The following GBP1 variants were observed in gnomAD, a reference collection of about 807,000 sequenced individuals.
GBP1 encodes the protein guanylate binding protein 1.
A neutral mutation model predicts 69.5 loss-of-function variants in GBP1; 64 were observed. The ratio of observed to expected loss-of-function variants is 0.92; its 90% CI spans 0.75 to 1.13. The LOEUF is 1.13. Ranked by LOEUF, GBP1 falls within the 50% of genes most tolerant of loss-of-function variation. GBP1 has a pLI of 0.00. For missense variants in GBP1, 630 were observed against 704.1 expected (o/e 0.89, Z 1.19); for synonymous variants, 250 against 261.2 (o/e 0.96, Z 0.41).
At chr1:89,063,993 C>T (rs1235188025) in intron 1 of GBP1, among the ~76,000 whole-genome samples, 1 of 152,070 alleles carries the variant, frequency 6.6e-6, no homozygotes, top group African/African-American at 2.4e-5. Flanking sequence ...ATTGCAAATA[C>T]TGAATGTTTC....
intron 2 of GBP1, among the ~76,000 whole-genome samples, chr1:89,062,129 A>G (rs1171505144): frequency 1.3e-5 from 2 of 152,212 alleles, no homozygotes; most frequent in African/African-American, 4.8e-5. Context: ...GTTAACATGC[A>G]ATGACTGCAT....
At chr1:89,057,844 C>A in intron 6 of GBP1, 148 bp downstream of exon 6, 1 of 948,302 alleles carries the variant, frequency 1.1e-6, no homozygotes, top group East Asian at 2.5e-5. Context: ...ATGTGACTAA[C>A]AATATATGTT....
chr1:89,054,130 C>T (rs767171127), intron 10 of GBP1, among the ~76,000 whole-genome samples: 1 of 150,948 alleles, frequency 6.6e-6, no homozygotes, highest in Non-Finnish European at 1.5e-5. Flanking sequence ...TTTGGAGTCT[C>T]GCTCTGTTGC....
chr1:89,055,772 A>C, intron 8 of GBP1: 1 of 576,416 alleles, frequency 1.7e-6, no homozygotes, highest in East Asian at 3.0e-5. Context: ...TAATGATGAC[A>C]ATAATAACTT....
At position 89,059,015 on chromosome 1, in the gene GBP1, G is replaced by A. The variant is rs192785479; in HGVS notation, c.457C>T (p.Arg153Ter). Residue 153 changes from arginine (R) to a stop codon, truncating the protein, a stop_gained, in exon 5 of 11, where the codon CGA becomes TGA. Transcript: ENST00000370473. LOFTEE classifies it high-confidence loss of function. ...TTCTCATCAGGTGAGGATTTTGATC[G>A]GATTCTATGTGTCAGCTCTGTCACA... ...YYVTELTHRI[R>*]SKSSPDENEN... 1.1e-4 allele frequency: 173 copies of A among 1,614,078 alleles called. No individual in the cohort carries two copies. Among genetic ancestry groups the A allele is most frequent in the East Asian group, 3.6e-4 (16 of 44,876 alleles).
rs78481730 is a variant in GBP1 at position 89,059,662 on chromosome 1, T to C, written c.319-236A>G. ...GTTTTTGGGTTACCATGATTCTTAC[T>C]AGGTCTTCTAATGATCATCAACAGA... On this transcript the variant is annotated intron_variant, in intron 3 of 10. Transcript: ENST00000370473. Among the ~76,000 whole-genome samples, 1,475 of 152,036 alleles carry C rather than the reference T, an allele frequency of 9.7e-3. 12 individuals are homozygous for C. Among genetic ancestry groups the C allele is most frequent in the Non-Finnish European group, 0.015 (1,006 of 67,980 alleles).
Position 89,059,286 on chromosome 1 carries a change from C to G in GBP1, c.428+31G>C, listed in dbSNP as rs1017240373. On this transcript the variant is annotated intron_variant, in intron 4 of 10. Transcript: ENST00000370473. ...TATGAATACAGGTGTCCCCTCTGACCTTGGTGCTGTTCTGGGTCACAAAAG... is the reference window on the plus strand; with the variant it reads ...TATGAATACAGGTGTCCCCTCTGACGTTGGTGCTGTTCTGGGTCACAAAAG... The G allele has an allele frequency of 5.6e-6, 9 of 1,614,064 alleles. No individual in the cohort carries two copies. The African/African-American group carries it at 1.2e-4, about 22-fold the overall frequency.
Position 89,056,915 on chromosome 1 carries a change from A to G in GBP1, c.1094T>C (p.Ile365Thr), listed in dbSNP as rs896425051. ...DLHRDSEREA[I>T]EVFIRSSFKD... ...GAAGGAACTCCTGATGAAGACTTCAATGGCCTCTCTCTCACTGTCCCTGTG... is the reference window on the plus strand; with the variant it reads ...GAAGGAACTCCTGATGAAGACTTCAGTGGCCTCTCTCTCACTGTCCCTGTG... The change falls in exon 7 of 11, where the codon ATT becomes ACT. Residue 365 changes from isoleucine to threonine, a missense_variant. This residue lies in a region of GBP1 where 367 missense variants were observed against 369.5 expected (regional missense o/e 0.99). Transcript: ENST00000370473. 8.7e-6 allele frequency: 14 copies of G among 1,614,254 alleles called. 1 individual carries two copies. Among genetic ancestry groups the G allele is most frequent in the Middle Eastern group, 3.3e-4 (2 of 6,062 alleles).
At position 89,052,358 on chromosome 1, in the gene GBP1, A is replaced by G. The variant is rs1034390295; in HGVS notation, c.*997T>C. 1 of 152,236 alleles carries G rather than the reference A, an allele frequency of 6.6e-6. No homozygotes were observed. 9.4% of individuals were successfully genotyped at this position (152,236 alleles called of 1,614,324 possible). On this transcript the variant is annotated 3_prime_UTR_variant, in exon 11 of 11. Coordinates refer to ENST00000370473, the MANE Select transcript of GBP1 (RefSeq NM_002053.3). ...ATAATTTTTAATTGCTATAAGAAAC[A>G]TCAACCACTTTCCTAGGACTTTTCA...
chr1:89,059,132 T>C, intron 4 of GBP1, 89 bp from the exon 5 acceptor site: 3 of 1,593,670 alleles, frequency 1.9e-6, no homozygotes, highest in Non-Finnish European at 2.6e-6. Context: ...CCATTTTCCT[T>C]TGCTCCTAAC....
intron 2 of GBP1, among the ~76,000 whole-genome samples, chr1:89,060,688 C>T (rs1680156726): frequency 6.6e-6 from 1 of 152,208 alleles, no homozygotes; most frequent in African/African-American, 2.4e-5. Context: ...TTCCACAGAA[C>T]ACTGCAAGTC....
At chr1:89,053,863 T>C (rs1679979177) in intron 10 of GBP1, among the ~76,000 whole-genome samples, 1 of 152,176 alleles carries the variant, frequency 6.6e-6, no homozygotes, top group African/African-American at 2.4e-5. Flanking sequence ...TAATCAGAAT[T>C]AGCAGAGTAT....
At position 89,058,922 on chromosome 1, in the gene GBP1, C is replaced by G; in HGVS notation, c.550G>C (p.Asp184His). ...TCTGCTTCCAAGTCCAGGGAGAAAT[C>G]TCTCAGTGTCCACACAAAGTCTGGG... ...FFPDFVWTLR[D>H]FSLDLEADGQ... is the part of the protein sequence containing the mutation. The change falls in exon 5 of 11, where the codon GAT (aspartate) becomes CAT (histidine). Residue 184 changes from aspartate to histidine, a missense_variant. Transcript: ENST00000370473. The G allele has an allele frequency of 6.2e-7, 1 of 1,614,200 alleles. No homozygotes were observed.
chr1:89,057,571 T>G (rs1680077694), intron 6 of GBP1, among the ~76,000 whole-genome samples: 1 of 152,262 alleles, frequency 6.6e-6, no homozygotes, highest in Non-Finnish European at 1.5e-5. Flanking sequence ...TATTGCAGTA[T>G]TGTTCAAAAG....
intron 10 of GBP1, among the ~76,000 whole-genome samples, chr1:89,054,308 G>A (rs1369304386): frequency 6.6e-6 from 1 of 152,094 alleles, no homozygotes; most frequent in Non-Finnish European, 1.5e-5. Flanking sequence ...CACCGTGTTA[G>A]CCAGGATGGC....
chr1:89,060,896 A>G (rs745752269), intron 2 of GBP1, among the ~76,000 whole-genome samples: 32 of 152,256 alleles, frequency 2.1e-4, no homozygotes, highest in Admixed American at 1.3e-3. Flanking sequence ...ATCAGTTGCT[A>G]GTGTAAAAAA....
At chr1:89,055,271 C>A (rs1461660928) in intron 8 of GBP1, 56 bp from the exon 9 acceptor site, 2 of 1,604,844 alleles carry the variant, frequency 1.2e-6, no homozygotes, top group Admixed American at 3.5e-5. Context: ...AGCAGGTGTT[C>A]CTGTTTGTCT....
chr1:89,056,297 G>A, intron 7 of GBP1, 69 bp from the exon 8 acceptor site: 1 of 1,611,172 alleles, frequency 6.2e-7, no homozygotes, highest in South Asian at 1.1e-5. Flanking sequence ...CAGAATTTTG[G>A]GAACGATTTC....
rs553228904 is a variant in GBP1 at position 89,055,205 on chromosome 1, A to G, written c.1379T>C (p.Ile460Thr). Reference protein sequence around the residue: ...EPRKGIQAEEILQTYLKSKES... With the variant: ...EPRKGIQAEETLQTYLKSKES... Reference sequence around the variant, plus strand: ...CTTGGATTTCAAGTATGTCTGCAGAATCTCTTCAGCCTTAGGACCCAGAGA... The same window carrying G: ...CTTGGATTTCAAGTATGTCTGCAGAGTCTCTTCAGCCTTAGGACCCAGAGA... Residue 460 changes from isoleucine to threonine, a missense_variant, in exon 9 of 11, where the codon ATT becomes ACT. Ile to Thr is a moderately conservative substitution (Grantham distance 89). Transcript: ENST00000370473. 1.2e-6 allele frequency: 2 copies of G among 1,613,444 alleles called. No individual in the cohort carries two copies. The highest frequency in any genetic ancestry group is 2.2e-5 in the South Asian group (2 of 90,964).
Sources: gnomAD v4.1 joint callset for allele counts (sites outside exome capture counted in the v4.1 genomes callset) on GRCh38, gnomAD v4.1.1 for gene constraint, gnomAD v4.1.1 regional missense constraint, MANE v1.5 for transcripts, NCBI Gene and HGNC (gene_info 2026-07-23, HGNC 2026-07-21) for gene names.